COL11A1: variants seen among roughly 807,000 people sequenced by gnomAD.
COL11A1 encodes the protein collagen alpha-1(XI) chain.
A neutral mutation model predicts 265.2 loss-of-function variants in COL11A1; 74 were observed. The observed-to-expected ratio is 0.28, with a 90% CI of 0.23 to 0.34. The LOEUF is 0.34. COL11A1 is among the 10% of genes least tolerant of loss of function. COL11A1 has a pLI of 1.00. For missense variants in COL11A1, 2,165 were observed against 2,263.6 expected (o/e 0.96, Z 0.88); for synonymous variants, 816 against 727.6 (o/e 1.12, Z -1.96).
At chr1:102,970,196 A>T in intron 37 of COL11A1, 23 bp downstream of exon 37, 1 of 1,608,264 alleles carries the variant, frequency 6.2e-7, no homozygotes, top group Non-Finnish European at 8.5e-7. Flanking sequence ...GAAATTTTTA[A>T]TAAGAGTAAC....
chr1:103,008,649 AAC>A (rs1455898430), intron 14 of COL11A1, 133 bp from the exon 15 acceptor site: 1 of 812,800 alleles, frequency 1.2e-6, no homozygotes, highest in African/African-American at 1.8e-5. Context: ...CTTATTAATT[AAC>A]ACAGTAAAAT....
At chr1:102,993,643 C>G (rs1211101789) in intron 28 of COL11A1, among the ~76,000 whole-genome samples, 1 of 151,944 alleles carries the variant, frequency 6.6e-6, no homozygotes, top group Non-Finnish European at 1.5e-5. Flanking sequence ...GCTCAAGCAA[C>G]TCTCCCTCCT....
chr1:102,978,240 T>A (rs955591829), intron 35 of COL11A1, among the ~76,000 whole-genome samples: 1 of 152,154 alleles, frequency 6.6e-6, no homozygotes, highest in Non-Finnish European at 1.5e-5. Flanking sequence ...ATTTACTAAA[T>A]AGCTATTCTA....
intron 41 of COL11A1, among the ~76,000 whole-genome samples, chr1:102,949,501 G>A (rs2101444037): frequency 6.7e-6 from 1 of 150,264 alleles, no homozygotes. Flanking sequence ...CGAAGTTGAT[G>A]GGTACTAGAC....
chr1:102,941,145 C>G (rs1309904910), intron 42 of COL11A1, among the ~76,000 whole-genome samples: 1 of 152,010 alleles, frequency 6.6e-6, no homozygotes, highest in African/African-American at 2.4e-5. Context: ...TAGGTTTTGC[C>G]TTTTCATTAC....
At chr1:103,026,079 A>G in intron 6 of COL11A1, 137 bp downstream of exon 6, 1 of 1,227,266 alleles carries the variant, frequency 8.1e-7, no homozygotes. Context: ...CTACTGTCAA[A>G]TAAAAATCAC....
Position 103,009,243 on chromosome 1 carries a change from G to A in COL11A1, c.1630-727C>T, listed in dbSNP as rs918864627. ...AGACTGGCCAATATAGTGAAACTCC[G>A]TCTCTACTAAAAATACAAAAATTGG... On this transcript the variant is annotated intron_variant, in intron 14 of 66. Coordinates refer to ENST00000370096, the MANE Select transcript of COL11A1 (RefSeq NM_001854.4). 5.3e-5 allele frequency among the ~76,000 whole-genome samples: 8 copies of A among 151,962 alleles called. 1 individual carries two copies. Among genetic ancestry groups the A allele is most frequent in the Non-Finnish European group, 1.2e-4 (8 of 67,964 alleles).
intron 36 of COL11A1, among the ~76,000 whole-genome samples, chr1:102,972,662 C>A (rs1363546462): frequency 1.3e-5 from 2 of 152,078 alleles, no homozygotes; most frequent in Non-Finnish European, 2.9e-5. Context: ...GCTTCCCAGG[C>A]TTCCCCTTTG....
At position 103,022,786 on chromosome 1, in the gene COL11A1, A is replaced by T. The variant is rs141817156; in HGVS notation, c.1201T>A (p.Phe401Ile). The T allele has an allele frequency of 2.5e-4, 406 of 1,613,728 alleles. No individual in the cohort carries two copies. The African/African-American group carries it at 4.6e-3, about 18-fold the overall frequency. ...GTTTCTGCTGGTACACCTGGACCAAATTCTTCATTAGGGGGGCTTGTTGGT... is the reference window on the plus strand; with the variant it reads ...GTTTCTGCTGGTACACCTGGACCAATTTCTTCATTAGGGGGGCTTGTTGGT... ...DKPTSPPNEE[F>I]GPGVPAETDI... Residue 401 changes from phenylalanine to isoleucine, a missense_variant, in exon 8 of 67, where the codon TTT becomes ATT. By Grantham distance (21) the Phe-to-Ile change is conservative (BLOSUM62 0). Transcript: ENST00000370096.
intron 41 of COL11A1, among the ~76,000 whole-genome samples, chr1:102,948,091 T>A (rs1480482427): frequency 2.6e-5 from 4 of 152,010 alleles, no homozygotes; most frequent in African/African-American, 9.7e-5. Context: ...AGAAATCATT[T>A]TATTATACAA....
At chr1:102,977,373 T>G (rs1348182072) in intron 35 of COL11A1, among the ~76,000 whole-genome samples, 1 of 152,170 alleles carries the variant, frequency 6.6e-6, no homozygotes, top group Non-Finnish European at 1.5e-5. Context: ...CCTAGATTAC[T>G]AAAACAACAA....
chr1:103,014,414 A>T, intron 13 of COL11A1, 97 bp downstream of exon 13: 1 of 1,026,744 alleles, frequency 9.7e-7, no homozygotes, highest in Non-Finnish European at 1.5e-6. Flanking sequence ...GGAAGTAAAT[A>T]TTCTATTAAT....
intron 4 of COL11A1, among the ~76,000 whole-genome samples, chr1:103,038,288 C>A (rs1281805422): frequency 6.6e-6 from 1 of 151,996 alleles, no homozygotes; most frequent in African/African-American, 2.4e-5. Context: ...CATGGTGAAA[C>A]CCATTCTCCA....
intron 29 of COL11A1, 32 bp from the exon 30 acceptor site, chr1:102,987,772 T>C: frequency 6.6e-7 from 1 of 1,503,948 alleles, no homozygotes; most frequent in Non-Finnish European, 9.3e-7. Flanking sequence ...TTCTTATGAG[T>C]GAAACGTCCT....
intron 41 of COL11A1, among the ~76,000 whole-genome samples, chr1:102,957,125 C>A (rs6699118): frequency 0.62 from 94,739 of 151,720 alleles, 31,421 homozygotes; most frequent in East Asian, 0.91. Context: ...CTAGACCTAC[C>A]TGAGTACAGT....
At chr1:103,066,417 A>T (rs12129078) in intron 4 of COL11A1, among the ~76,000 whole-genome samples, 1 of 151,714 alleles carries the variant, frequency 6.6e-6, no homozygotes, top group Non-Finnish European at 1.5e-5. Context: ...ATACAATATT[A>T]GCAAGAAATA....
chr1:102,956,499 T>C (rs1475994848), intron 41 of COL11A1, among the ~76,000 whole-genome samples: 2 of 152,068 alleles, frequency 1.3e-5, no homozygotes, highest in African/African-American at 4.8e-5. Context: ...CATAAAATAT[T>C]AGACAATATA....
At chr1:103,046,291 G>C (rs1233600053) in intron 4 of COL11A1, among the ~76,000 whole-genome samples, 10 of 24,114 alleles carry the variant, frequency 4.1e-4, no homozygotes, top group East Asian at 1.9e-3. Flanking sequence ...TTTAATGATT[G>C]CCATTCTAAC....
Position 102,878,010 on chromosome 1 carries a change from G to C in COL11A1, c.*9C>G, listed in dbSNP as rs371551881. On this transcript the variant is annotated 3_prime_UTR_variant, in exon 67 of 67. Coordinates refer to ENST00000370096, the MANE Select transcript of COL11A1 (RefSeq NM_001854.4). ...TTTCTGTTGATTTGATATGTTCTTTGTCTTAATCTTAGCCAAGAAAACAAA... is the reference window on the plus strand; with the variant it reads ...TTTCTGTTGATTTGATATGTTCTTTCTCTTAATCTTAGCCAAGAAAACAAA... 149 of 1,612,868 alleles carry C rather than the reference G, an allele frequency of 9.2e-5. No individual in the cohort carries two copies. Among genetic ancestry groups the C allele is most frequent in the Non-Finnish European group, 1.2e-4 (145 of 1,179,310 alleles).
Sources: allele counts gnomAD v4.1 joint callset (sites outside exome capture counted in the v4.1 genomes callset), GRCh38; gene constraint gnomAD v4.1.1; transcripts MANE v1.5; gene names NCBI Gene and HGNC (gene_info 2026-07-23, HGNC 2026-07-21).